ERCC8: variants seen among roughly 807,000 people sequenced by gnomAD.
The protein encoded by ERCC8 is DNA excision repair protein ERCC-8.
In ERCC8, 52 loss-of-function variants were observed where a neutral mutation model predicts 54.9. That is an observed-to-expected ratio of 0.95 (90% CI 0.76 to 1.19). The LOEUF (loss-of-function observed/expected upper bound fraction) is 1.19, where lower values mean the gene tolerates loss of function less well. Ranked by LOEUF, ERCC8 falls within the 50% of genes most tolerant of loss-of-function variation. ERCC8 has a pLI of 0.00. For synonymous variants in ERCC8, 146 were observed against 157.2 expected, an observed-to-expected ratio of 0.93 and a Z score of 0.53; for missense variants, 514 against 466.1, an observed-to-expected ratio of 1.10 and a Z score of -0.95.
intron 4 of ERCC8, among the ~76,000 whole-genome samples, chr5:60,916,919 C>G (rs571576606): frequency 6.6e-6 from 1 of 151,872 alleles, no homozygotes; most frequent in South Asian, 2.1e-4. Context: ...GGGGAAGTAA[C>G]AATCTAGAAC....
At chr5:60,900,328 A>G (rs1216965724) in intron 7 of ERCC8, among the ~76,000 whole-genome samples, 6 of 152,044 alleles carry the variant, frequency 3.9e-5, no homozygotes, top group African/African-American at 1.4e-4. Context: ...AAGCAAAAAG[A>G]AGAAAGGCAA....
At chr5:60,904,153 T>C (rs759954468) in intron 5 of ERCC8, among the ~76,000 whole-genome samples, 3 of 152,072 alleles carry the variant, frequency 2.0e-5, no homozygotes, top group Non-Finnish European at 4.4e-5. Flanking sequence ...GCTTAGTTTT[T>C]CCAAGTTAAT....
intron 2 of ERCC8, among the ~76,000 whole-genome samples, chr5:60,925,771 T>C (rs984365024): frequency 2.6e-5 from 4 of 152,180 alleles, no homozygotes; most frequent in Admixed American, 2.6e-4. Context: ...AGTCTCTTTA[T>C]GTGTTTTAAT....
chr5:60,895,425 G>C (rs1385839212), intron 9 of ERCC8, among the ~76,000 whole-genome samples: 3 of 152,016 alleles, frequency 2.0e-5, no homozygotes, highest in African/African-American at 7.3e-5. Context: ...GTGGACTTGG[G>C]TTTTAAACAC....
At chr5:60,910,990 A>T in intron 4 of ERCC8, among the ~76,000 whole-genome samples, 1 of 152,148 alleles carries the variant, frequency 6.6e-6, no homozygotes, top group Non-Finnish European at 1.5e-5. Flanking sequence ...TTTTAAAAAA[A>T]TAGATACTTT....
At chr5:60,908,583 ATT>A (rs3031040) in intron 4 of ERCC8, among the ~76,000 whole-genome samples, 3 of 141,880 alleles carry the variant, frequency 2.1e-5, no homozygotes, top group African/African-American at 7.7e-5. Flanking sequence ...ATATATATAT[ATT>A]TTTTTTTTAA....
intron 11 of ERCC8, among the ~76,000 whole-genome samples, chr5:60,881,523 C>A (rs1301636530): frequency 1.3e-5 from 2 of 152,204 alleles, no homozygotes; most frequent in Non-Finnish European, 2.9e-5. Context: ...TTGATCTTCC[C>A]AGCCGCTTTG....
At chr5:60,877,867 T>G (rs1748064191) in intron 11 of ERCC8, among the ~76,000 whole-genome samples, 1 of 152,198 alleles carries the variant, frequency 6.6e-6, no homozygotes, top group South Asian at 2.1e-4. Context: ...CTTTATTTCC[T>G]TTTCCTGCCT....
Position 60,899,660 on chromosome 5 carries a change from G to A in ERCC8, c.685C>T (p.His229Tyr). Reference sequence around the variant, plus strand: ...ACAGCTTGTGACTTTTTCCCATTATGTTGATCAAGAGTAATCAAACATCCT... The same window carrying A: ...ACAGCTTGTGACTTTTTCCCATTATATTGATCAAGAGTAATCAAACATCCT... ...ASGCLITLDQ[H>Y]NGKKSQAVES... Residue 229 changes from histidine to tyrosine, a missense_variant, in exon 8 of 12, where the codon CAT becomes TAT. Transcript: ENST00000676185. 3 of 1,611,980 alleles carry A rather than the reference G, an allele frequency of 1.9e-6. No homozygotes were observed. Among genetic ancestry groups the A allele is most frequent in the Non-Finnish European group, 2.5e-6 (3 of 1,178,678 alleles).
chr5:60,883,368 T>C (rs1423514819), intron 11 of ERCC8, among the ~76,000 whole-genome samples: 1 of 152,232 alleles, frequency 6.6e-6, no homozygotes, highest in Non-Finnish European at 1.5e-5. Flanking sequence ...TGAGACCCAC[T>C]GATCAAGTGT....
At position 60,927,258 on chromosome 5, in the gene ERCC8, C is replaced by T. The variant is rs1456317902; in HGVS notation, c.173+1606G>A. ...CTGATTTTCAGTGACACCTTTACAGCTCTCATGGTGGATGGTAAATATTAA... is the reference window on the plus strand; with the variant it reads ...CTGATTTTCAGTGACACCTTTACAGTTCTCATGGTGGATGGTAAATATTAA... On this transcript the variant is annotated intron_variant, in intron 2 of 11. Coordinates refer to ENST00000676185, the MANE Select transcript of ERCC8 (RefSeq NM_000082.4). Among the ~76,000 whole-genome samples the T allele has an allele frequency of 2.6e-5, 4 of 152,168 alleles. No individual in the cohort carries two copies. In the East Asian group the frequency reaches 7.7e-4, roughly 29 times the overall value.
chr5:60,893,289 C>T, intron 9 of ERCC8: 1 of 989,220 alleles, frequency 1.0e-6, no homozygotes, highest in Non-Finnish European at 1.6e-6. Flanking sequence ...TCCTGCAAAA[C>T]TTCTTCCTTA....
rs1283787253 is a variant in ERCC8 at position 60,867,254 on chromosome 5, TTTTTC to T, written c.*7356_*7360del. Among the ~76,000 whole-genome samples the T allele has an allele frequency of 6.6e-6, 1 of 152,110 alleles. No individual in the cohort carries two copies. Among genetic ancestry groups the T allele is most frequent in the East Asian group, 1.9e-4 (1 of 5,170 alleles). ...TTGATTTCCAGTCCACTGTTATTTCTTTTTCTTTTCATTTTTTTGAGACAGAGTCT... is the reference window on the plus strand; with the variant it reads ...TTGATTTCCAGTCCACTGTTATTTCTTTTTCATTTTTTTGAGACAGAGTCT... On this transcript the variant is annotated 3_prime_UTR_variant, in exon 12 of 12. Coordinates refer to ENST00000676185, the MANE Select transcript of ERCC8 (RefSeq NM_000082.4).
chr5:60,902,417 C>A (rs1561503059), intron 7 of ERCC8, 25 bp downstream of exon 7: 3 of 1,573,864 alleles, frequency 1.9e-6, no homozygotes, highest in Non-Finnish European at 1.7e-6. Context: ...TTACTAACTT[C>A]AAAAGCAAAT....
At position 60,916,047 on chromosome 5, in the gene ERCC8, T is replaced by G. The variant is rs187254963; in HGVS notation, c.399+2218A>C. ...ACTGCACTGCAATTCTTCTCTCCAG[T>G]ACCATGTGACTGGGGAAAATTGCTG... On this transcript the variant is annotated intron_variant, in intron 4 of 11. Transcript: ENST00000676185. 1.1e-3 allele frequency among the ~76,000 whole-genome samples: 161 copies of G among 152,128 alleles called. 2 individuals are homozygous for G. The highest frequency in any genetic ancestry group is 3.7e-3 in the African/African-American group (155 of 41,484).
At chr5:60,926,011 G>C (rs1749737993) in intron 2 of ERCC8, among the ~76,000 whole-genome samples, 2 of 152,040 alleles carry the variant, frequency 1.3e-5, no homozygotes, top group Admixed American at 6.6e-5. Flanking sequence ...TTTTAGTAGA[G>C]ACGGGGTTTC....
intron 9 of ERCC8, 88 bp from the exon 10 acceptor site, chr5:60,891,174 G>T: frequency 2.3e-6 from 2 of 877,554 alleles, no homozygotes; most frequent in Non-Finnish European, 1.8e-6. Context: ...AAAATATTAT[G>T]CTATAAAAAG....
chr5:60,941,916 T>C (rs2112551845), intron 1 of ERCC8, among the ~76,000 whole-genome samples: 1 of 152,260 alleles, frequency 6.6e-6, no homozygotes, highest in Admixed American at 6.5e-5. Context: ...AAAATTATAA[T>C]GTCTGATAGA....
intron 1 of ERCC8, among the ~76,000 whole-genome samples, chr5:60,940,883 C>T (rs980757239): frequency 6.6e-6 from 1 of 152,038 alleles, no homozygotes; most frequent in Non-Finnish European, 1.5e-5. Context: ...GATGCAAATC[C>T]AAAATTTCCC....
Sources: gnomAD v4.1 joint callset for allele counts (sites outside exome capture counted in the v4.1 genomes callset) on GRCh38, gnomAD v4.1.1 for gene constraint, MANE v1.5 for transcripts, NCBI Gene and HGNC (gene_info 2026-07-23, HGNC 2026-07-21) for gene names.